The following CTNNA2 variants were observed in gnomAD, a reference collection of about 807,000 sequenced individuals.
CTNNA2 encodes catenin alpha 2.
A neutral mutation model predicts 101.0 loss-of-function variants in CTNNA2; 42 were observed. The ratio of observed to expected loss-of-function variants is 0.42; its 90% CI spans 0.32 to 0.54. The LOEUF (loss-of-function observed/expected upper bound fraction) is 0.54. Ranked by LOEUF, CTNNA2 falls within the 20% of genes least tolerant of loss-of-function variation. CTNNA2 has a pLI of 0.14. For synonymous variants in CTNNA2, 450 were observed against 456.4 expected, an observed-to-expected ratio of 0.99 and a Z score of 0.18; for missense variants, 871 against 1,223.1, an observed-to-expected ratio of 0.71 and a Z score of 4.29.
intron 7 of CTNNA2, among the ~76,000 whole-genome samples, chr2:80,096,260 T>C (rs1242269948): frequency 1.3e-5 from 2 of 152,268 alleles, no homozygotes; most frequent in African/African-American, 2.4e-5. Context: ...TTTTGTTACA[T>C]ACTCAGTAGT....
chr2:80,481,322 G>A (rs1459175647), intron 9 of CTNNA2, among the ~76,000 whole-genome samples: 1 of 151,986 alleles, frequency 6.6e-6, no homozygotes, highest in Non-Finnish European at 1.5e-5. Flanking sequence ...TGTATACATT[G>A]ACTTAACACC....
At chr2:80,419,409 C>T (rs1022079608) in intron 8 of CTNNA2, 40 bp from the exon 9 acceptor site, 9 of 1,546,132 alleles carry the variant, frequency 5.8e-6, no homozygotes, top group Non-Finnish European at 8.0e-6. Flanking sequence ...TATACTATTT[C>T]TTAATTGTAT....
chr2:80,066,294 G>A (rs779354125), intron 7 of CTNNA2, among the ~76,000 whole-genome samples: 12 of 152,010 alleles, frequency 7.9e-5, no homozygotes, highest in African/African-American at 1.2e-4. Context: ...TATGAAATGC[G>A]AGGAAATATT....
intron 11 of CTNNA2, among the ~76,000 whole-genome samples, chr2:80,551,032 C>T (rs1193134622): frequency 6.6e-6 from 1 of 152,130 alleles, no homozygotes; most frequent in African/African-American, 2.4e-5. Flanking sequence ...GTCAAAATGA[C>T]TCCTTGATAC....
chr2:80,111,413 G>T (rs9309556), intron 7 of CTNNA2, among the ~76,000 whole-genome samples: 4,001 of 152,298 alleles, frequency 0.026, 149 homozygotes, highest in African/African-American at 0.088. Flanking sequence ...ACATTCCAAT[G>T]CAAGCCCTGC....
chr2:79,510,519 G>C (rs1012507210), upstream of CTNNA2, among the ~76,000 whole-genome samples: 4 of 152,196 alleles, frequency 2.6e-5, no homozygotes, highest in Non-Finnish European at 5.9e-5. Flanking sequence ...GGGTAGACAG[G>C]GTTGAGGGTT....
intron 4 of CTNNA2, among the ~76,000 whole-genome samples, chr2:79,482,195 T>G (rs1157244071): frequency 2.6e-5 from 4 of 152,174 alleles, no homozygotes; most frequent in Non-Finnish European, 5.9e-5. Context: ...AAATGGAAGG[T>G]CATCAGGAAT....
Position 79,464,229 on chromosome 2 carries a change from G to T in CTNNA2, c.-134-40825G>T, listed in dbSNP as rs151046946. Among the ~76,000 whole-genome samples the T allele has an allele frequency of 2.6e-3, 393 of 152,172 alleles. 2 individuals carry two copies. The highest frequency in any genetic ancestry group is 9.0e-3 in the African/African-American group (375 of 41,500). On this transcript the variant is annotated intron_variant, in intron 4 of 21. Coordinates refer to the CTNNA2 transcript ENST00000466387. ...TTCCCACCTATGAGTGAGAACATGC[G>T]GTGTTTGGTTTTTTTGTCCTTGTGG...
At chr2:79,630,459 C>G (rs1159779310) in intron 1 of CTNNA2, among the ~76,000 whole-genome samples, 1 of 152,070 alleles carries the variant, frequency 6.6e-6, no homozygotes, top group Non-Finnish European at 1.5e-5. Context: ...CACACATTGA[C>G]ATTGAAATCT....
chr2:79,906,331 A>T (rs970906216), intron 6 of CTNNA2, among the ~76,000 whole-genome samples: 3 of 151,864 alleles, frequency 2.0e-5, no homozygotes, highest in Non-Finnish European at 4.4e-5. Flanking sequence ...CCCACATGCA[A>T]TCAGTACCTC....
intron 7 of CTNNA2, among the ~76,000 whole-genome samples, chr2:79,920,927 A>C (rs535003207): frequency 3.3e-5 from 5 of 151,842 alleles, no homozygotes; most frequent in Non-Finnish European, 7.4e-5. Flanking sequence ...ATGAGCTCTT[A>C]AGGATGTGTC....
chr2:79,328,474 T>G (rs1419369276), intron 3 of CTNNA2, among the ~76,000 whole-genome samples: 2 of 152,328 alleles, frequency 1.3e-5, no homozygotes, highest in East Asian at 3.9e-4. Context: ...ATCATATATC[T>G]GCAGCTTAAT....
intron 2 of CTNNA2, among the ~76,000 whole-genome samples, chr2:79,245,659 C>T (rs568018353): frequency 3.3e-5 from 5 of 152,286 alleles, no homozygotes; most frequent in African/African-American, 9.6e-5. Context: ...AAAATTGTGG[C>T]TTACATATCC....
chr2:80,526,353 C>A (rs941855551), intron 9 of CTNNA2, among the ~76,000 whole-genome samples: 2 of 152,212 alleles, frequency 1.3e-5, no homozygotes, highest in African/African-American at 4.8e-5. Context: ...GCGTGCATCA[C>A]CACATCTGGC....
At chr2:79,912,754 C>T (rs577800680) in intron 7 of CTNNA2, among the ~76,000 whole-genome samples, 10 of 152,250 alleles carry the variant, frequency 6.6e-5, no homozygotes, top group Non-Finnish European at 7.4e-5. Flanking sequence ...TAAAAGGATG[C>T]GCGGCCTATA....
rs146376070 is a variant in CTNNA2 at position 79,540,189 on chromosome 2, C to T, written c.-6+26982C>T. ...AAAAGGATCCAAAGGGGGCAGTTTTCGGTCATTCAAAGCAGTACCACTTAG... is the reference window on the plus strand; with the variant it reads ...AAAAGGATCCAAAGGGGGCAGTTTTTGGTCATTCAAAGCAGTACCACTTAG... On this transcript the variant is annotated intron_variant, in intron 1 of 18. Coordinates refer to ENST00000402739, the MANE Select transcript of CTNNA2 (RefSeq NM_001282597.3). Among the ~76,000 whole-genome samples the T allele has an allele frequency of 2.8e-3, 423 of 152,212 alleles. 4 individuals are homozygous for T. Among genetic ancestry groups the T allele is most frequent in the African/African-American group, 9.5e-3 (396 of 41,534 alleles).
intron 4 of CTNNA2, among the ~76,000 whole-genome samples, chr2:79,445,167 CA>C (rs1678819587): frequency 6.6e-6 from 1 of 152,078 alleles, no homozygotes; most frequent in African/African-American, 2.4e-5. Flanking sequence ...TTTTTTTCCT[CA>C]ATGCTTTCTG....
chr2:79,558,715 A>G (rs540797373), intron 1 of CTNNA2, among the ~76,000 whole-genome samples: 39 of 151,996 alleles, frequency 2.6e-4, no homozygotes, highest in Non-Finnish European at 4.3e-4. Context: ...CACCCTTTTA[A>G]AGTAAGTATG....
chr2:80,243,589 T>C (rs572811150), intron 7 of CTNNA2, among the ~76,000 whole-genome samples: 17 of 152,338 alleles, frequency 1.1e-4, no homozygotes, highest in African/African-American at 4.1e-4. Flanking sequence ...CTACATTGCA[T>C]CGTGTATCGA....
Sources: gnomAD v4.1 joint callset for allele counts (sites outside exome capture counted in the v4.1 genomes callset) on GRCh38, gnomAD v4.1.1 for gene constraint, MANE v1.5 for transcripts, NCBI Gene and HGNC (gene_info 2026-07-23, HGNC 2026-07-21) for gene names.